OPCML: variants seen among roughly 807,000 people sequenced by gnomAD.
OPCML encodes opioid-binding protein/cell adhesion molecule.
Under a neutral mutation model 37.8 loss-of-function variants are expected in OPCML, and 13 were observed. The ratio of observed to expected loss-of-function variants is 0.34; its 90% confidence interval spans 0.22 to 0.55. The LOEUF (loss-of-function observed/expected upper bound fraction) is 0.55. Among genes scored for constraint, OPCML ranks in the 20% least tolerant of loss-of-function variants. OPCML has a pLI of 0.91. For synonymous variants in OPCML, 176 were observed against 168.8 expected (o/e 1.04, Z -0.33); for missense variants, 341 against 435.6 (o/e 0.78, Z 1.93).
intron 1 of OPCML, among the ~76,000 whole-genome samples, chr11:133,161,270 TC>T (rs1248320772): frequency 6.6e-6 from 1 of 152,162 alleles, no homozygotes; most frequent in African/African-American, 2.4e-5. Context: ...AAACAAAAGT[TC>T]AGTAATTCAA....
At chr11:133,074,665 G>T in intron 1 of OPCML, among the ~76,000 whole-genome samples, 1 of 152,098 alleles carries the variant, frequency 6.6e-6, no homozygotes, top group East Asian at 1.9e-4. Context: ...GTGAAGCTTT[G>T]GTTCACAGGT....
chr11:132,844,456 A>G (rs552373559), intron 2 of OPCML, among the ~76,000 whole-genome samples: 2 of 152,258 alleles, frequency 1.3e-5, no homozygotes, highest in South Asian at 2.1e-4. Context: ...GTATATTTGT[A>G]TTATGTAGGG....
chr11:133,338,426 G>A (rs958008398), intron 1 of OPCML, among the ~76,000 whole-genome samples: 5 of 152,176 alleles, frequency 3.3e-5, no homozygotes, highest in Non-Finnish European at 5.9e-5. Flanking sequence ...AGGGAATTAA[G>A]GTGGAGGGGG....
At chr11:132,626,965 C>G (rs2137959383) in intron 3 of OPCML, among the ~76,000 whole-genome samples, 1 of 151,046 alleles carries the variant, frequency 6.6e-6, no homozygotes, top group East Asian at 1.9e-4. Context: ...CTGATATATT[C>G]AAATGATGAA....
At chr11:133,070,582 T>G (rs941969899) in intron 1 of OPCML, among the ~76,000 whole-genome samples, 2 of 152,128 alleles carry the variant, frequency 1.3e-5, no homozygotes, top group African/African-American at 4.8e-5. Context: ...TGAAGAGAGG[T>G]AACGCAACGG....
chr11:133,014,095 C>T (rs1306823882), intron 1 of OPCML, among the ~76,000 whole-genome samples: 1 of 152,218 alleles, frequency 6.6e-6, no homozygotes, highest in African/African-American at 2.4e-5. Flanking sequence ...TCCACATGAA[C>T]AAGCTTTACT....
intron 2 of OPCML, among the ~76,000 whole-genome samples, chr11:132,840,273 G>A (rs984293193): frequency 2.0e-5 from 3 of 152,292 alleles, no homozygotes; most frequent in Non-Finnish European, 4.4e-5. Context: ...TTAAAGATCA[G>A]AACATTTTAC....
chr11:132,950,846 A>G (rs1207543268), intron 1 of OPCML, among the ~76,000 whole-genome samples: 1 of 152,136 alleles, frequency 6.6e-6, no homozygotes, highest in African/African-American at 2.4e-5. Flanking sequence ...TCATCTTTTG[A>G]GAGTAGTCTC....
intron 1 of OPCML, among the ~76,000 whole-genome samples, chr11:133,469,735 G>A (rs538404118): frequency 6.6e-6 from 1 of 152,196 alleles, no homozygotes; most frequent in Non-Finnish European, 1.5e-5. Flanking sequence ...CTCCAACACA[G>A]AAGTTCTCCT....
chr11:132,989,027 C>T (rs534471964), intron 1 of OPCML, among the ~76,000 whole-genome samples: 3 of 152,216 alleles, frequency 2.0e-5, no homozygotes, highest in Middle Eastern at 3.4e-3. Context: ...ATTCAAATGC[C>T]GGGCATTACT....
chr11:133,093,670 A>G (rs991639422), intron 1 of OPCML, among the ~76,000 whole-genome samples: 1 of 152,206 alleles, frequency 6.6e-6, no homozygotes, highest in South Asian at 2.1e-4. Context: ...GCTTAGAACA[A>G]TACAGGTTCA....
At chr11:133,376,118 T>C (rs1344569937) in intron 1 of OPCML, among the ~76,000 whole-genome samples, 1 of 152,108 alleles carries the variant, frequency 6.6e-6, no homozygotes. Context: ...AGAAAGAGAT[T>C]GTACTGGAGG....
intron 2 of OPCML, among the ~76,000 whole-genome samples, chr11:132,810,096 G>A (rs563176631): frequency 2.6e-5 from 4 of 152,110 alleles, no homozygotes; most frequent in South Asian, 2.1e-4. Flanking sequence ...TGATCCGCCC[G>A]CCTCAGCCTC....
intron 7 of OPCML, among the ~76,000 whole-genome samples, chr11:132,432,848 C>G (rs193175482): frequency 6.6e-6 from 1 of 152,336 alleles, no homozygotes. Context: ...AACAAGGAAT[C>G]TATCTGTTGA....
At chr11:133,506,859 G>A (rs567691512) in intron 1 of OPCML, among the ~76,000 whole-genome samples, 1 of 152,194 alleles carries the variant, frequency 6.6e-6, no homozygotes, top group African/African-American at 2.4e-5. Flanking sequence ...TTCAAAGCTG[G>A]CCCTGTGCAG....
rs138483771 is a variant in OPCML at position 133,141,033 on chromosome 11, C to T, written c.62-198023G>A. Among the ~76,000 whole-genome samples the T allele has an allele frequency of 5.6e-4, 3 of 5,368 alleles. 1 individual carries two copies. Among genetic ancestry groups the T allele is most frequent in the Non-Finnish European group, 1.4e-3 (2 of 1,464 alleles). The allele number at this position is 5,368 out of a possible 152,430, so 3.5% of individuals were successfully genotyped here. A position where few individuals can be genotyped will look rare whatever the true frequency, so the allele number is the denominator to read the frequency against. On this transcript the variant is annotated intron_variant, in intron 1 of 7. Coordinates refer to ENST00000524381, the MANE Select transcript of OPCML (RefSeq NM_001012393.5). ...ACGACGACGACGACGACGACGACGA[C>T]GACGACGACGACGACGAAGAAGAAG...
chr11:132,685,775 C>G (rs1229358764), intron 2 of OPCML, among the ~76,000 whole-genome samples: 1 of 152,092 alleles, frequency 6.6e-6, no homozygotes, highest in Non-Finnish European at 1.5e-5. Flanking sequence ...AGGAGTAGAA[C>G]CTGGCTTGAA....
intron 1 of OPCML, among the ~76,000 whole-genome samples, chr11:133,405,422 A>G (rs558233025): frequency 2.6e-5 from 4 of 152,306 alleles, no homozygotes; most frequent in East Asian, 1.9e-4. Context: ...AATGGGTTAC[A>G]AGTAGATTTG....
intron 1 of OPCML, among the ~76,000 whole-genome samples, chr11:133,428,569 C>G (rs193259690): frequency 7.2e-4 from 110 of 151,902 alleles, no homozygotes; most frequent in African/African-American, 2.5e-3. Flanking sequence ...AAAATAGCAA[C>G]AATAGAACAA....
Sources: allele counts gnomAD v4.1 joint callset (sites outside exome capture counted in the v4.1 genomes callset), GRCh38; gene constraint gnomAD v4.1.1; transcripts MANE v1.5; gene names NCBI Gene and HGNC (gene_info 2026-07-23, HGNC 2026-07-21).